The following SOHLH2 variants were observed in gnomAD, a reference collection of about 807,000 sequenced individuals.
SOHLH2 encodes spermatogenesis- and oogenesis-specific basic helix-loop-helix-containing protein 2.
A neutral mutation model predicts 50.4 loss-of-function variants in SOHLH2; 22 were observed. That is an observed-to-expected ratio of 0.44 (90% CI 0.31 to 0.62). The LOEUF is 0.62. SOHLH2 is among the 20% of genes least tolerant of loss of function. The pLI is 0.08. For missense variants in SOHLH2, 412 were observed against 504.4 expected (o/e 0.82, Z 1.76); for synonymous variants, 185 against 187.3 (o/e 0.99, Z 0.10).
Position 36,169,029 on chromosome 13 carries a change from T to C in SOHLH2, c.*5A>G. The C allele has an allele frequency of 6.2e-7, 1 of 1,606,712 alleles. No homozygotes were observed. Among genetic ancestry groups the C allele is most frequent in the Non-Finnish European group, 8.5e-7 (1 of 1,177,822 alleles). ...GTTGAGAGTGTGAATTTCAAACATG[T>C]GCTTTTAATACGCCCAAAACTGTTG... is the stretch of plus-strand genomic sequence containing the variant. On this transcript the variant is annotated 3_prime_UTR_variant, in exon 11 of 11. Transcript: ENST00000379881.
At chr13:36,194,338 G>T (rs899929049) in intron 2 of SOHLH2, among the ~76,000 whole-genome samples, 1 of 152,184 alleles carries the variant, frequency 6.6e-6, no homozygotes, top group Non-Finnish European at 1.5e-5. Context: ...ATGCTAATGG[G>T]ATATTTGACA....
At chr13:36,180,645 T>TG (rs894759544) in intron 6 of SOHLH2, among the ~76,000 whole-genome samples, 37 of 147,702 alleles carry the variant, frequency 2.5e-4, no homozygotes, top group African/African-American at 9.1e-4. Flanking sequence ...ACTTAGAAGT[T>TG]TTTTTTTTTT....
intron 6 of SOHLH2, chr13:36,181,922 T>A (rs2138280153): frequency 1.5e-6 from 1 of 656,828 alleles, no homozygotes; most frequent in South Asian, 6.8e-5. Context: ...TACATGAAGA[T>A]AAAGGGAAAT....
intron 1 of SOHLH2, among the ~76,000 whole-genome samples, chr13:36,212,250 G>A (rs939434552): frequency 9.2e-5 from 14 of 152,114 alleles, no homozygotes; most frequent in Admixed American, 6.5e-4. Flanking sequence ...GGCACAGAGC[G>A]GGTATGACAT....
intron 2 of SOHLH2, among the ~76,000 whole-genome samples, chr13:36,200,784 C>G (rs1004392082): frequency 6.6e-6 from 1 of 152,048 alleles, no homozygotes; most frequent in Non-Finnish European, 1.5e-5. Context: ...GGCATGGTGG[C>G]TCACCCCTGT....
intron 8 of SOHLH2, 68 bp downstream of exon 8, chr13:36,174,408 C>G: frequency 6.3e-7 from 1 of 1,592,674 alleles, no homozygotes; most frequent in Non-Finnish European, 8.6e-7. Flanking sequence ...TTTTTGTGTA[C>G]ATATTTAGCA....
intron 10 of SOHLH2, 35 bp downstream of exon 10, chr13:36,170,496 G>C: frequency 6.2e-7 from 1 of 1,602,824 alleles, no homozygotes. Flanking sequence ...GGAGTGAAAG[G>C]GTCCAATCTG....
rs1868447509 is a variant in SOHLH2 at position 36,201,997 on chromosome 13, T to C, written c.145A>G (p.Thr49Ala). ...LFANIAEVTI[T>A]ISDTKEAAAL... ...GCTGCCTCCTTCGTGTCACTGATGGTGATGGTGACTTCTGCTATGTTTGCA... is the reference window on the plus strand; with the variant it reads ...GCTGCCTCCTTCGTGTCACTGATGGCGATGGTGACTTCTGCTATGTTTGCA... Residue 49 changes from threonine (T) to alanine (A), a missense_variant, in exon 2 of 11, where the codon ACC becomes GCC. Thr to Ala is a moderately conservative substitution (Grantham distance 58). Coordinates refer to ENST00000379881, the MANE Select transcript of SOHLH2 (RefSeq NM_017826.3). 1.2e-6 allele frequency: 2 copies of C among 1,614,220 alleles called. No homozygotes were observed. The highest frequency in any genetic ancestry group is 2.7e-5 in the African/African-American group (2 of 75,058).
chr13:36,191,471 T>C (rs1361174981), intron 5 of SOHLH2, among the ~76,000 whole-genome samples: 1 of 152,152 alleles, frequency 6.6e-6, no homozygotes, highest in African/African-American at 2.4e-5. Flanking sequence ...AATTTTTGTT[T>C]GAGGAATTTC....
At chr13:36,189,604 T>C (rs1887518178) in intron 6 of SOHLH2, among the ~76,000 whole-genome samples, 1 of 152,240 alleles carries the variant, frequency 6.6e-6, no homozygotes, top group Non-Finnish European at 1.5e-5. Flanking sequence ...TAGAAAACTT[T>C]CCTAGTGTCC....
At chr13:36,194,954 T>C (rs1231161939) in intron 2 of SOHLH2, among the ~76,000 whole-genome samples, 1 of 152,058 alleles carries the variant, frequency 6.6e-6, no homozygotes, top group African/African-American at 2.4e-5. Context: ...TCAAATTACA[T>C]TATATATTAA....
chr13:36,196,363 C>T lies in SOHLH2; in HGVS notation c.264-2496G>A, dbSNP rs183597844. ...CTGGTCTCAAACTCCTGGCCTCAGG[C>T]AATCTTCCCGCTTCAACCTCCCAAA... is the stretch of plus-strand genomic sequence containing the variant. On this transcript the variant is annotated intron_variant, in intron 2 of 10. Transcript: ENST00000379881. Among the ~76,000 whole-genome samples the T allele has an allele frequency of 1.5e-4, 23 of 152,044 alleles. No individual in the cohort carries two copies. The East Asian group carries it at 3.5e-3, about 23-fold the overall frequency.
chr13:36,168,739 T>C lies in SOHLH2; in HGVS notation c.*295A>G. On this transcript the variant is annotated 3_prime_UTR_variant, in exon 11 of 11. Coordinates refer to ENST00000379881, the MANE Select transcript of SOHLH2 (RefSeq NM_017826.3). The stretch of plus-strand genomic sequence containing the variant: ...CATGCTTTTTTCATAAATTGTGGAA[T>C]ATTTTTTGAGAAAAGAGAGTGTAGG... The C allele has an allele frequency of 2.4e-6, 1 of 410,314 alleles. No individual in the cohort carries two copies. The highest frequency in any genetic ancestry group is 4.3e-6 in the Non-Finnish European group (1 of 232,364). The allele number at this position is 410,314 out of a possible 1,614,324, so 25.4% of individuals were successfully genotyped here.
chr13:36,190,814 G>A (rs1887551976), intron 5 of SOHLH2, among the ~76,000 whole-genome samples: 1 of 152,090 alleles, frequency 6.6e-6, no homozygotes, highest in Non-Finnish European at 1.5e-5. Context: ...CCTAGATAAG[G>A]GTTAATACGG....
Position 36,193,738 on chromosome 13 carries a change from A to G in SOHLH2, c.326-13T>C, listed in dbSNP as rs374903296. The G allele has an allele frequency of 6.2e-7, 1 of 1,607,336 alleles. No individual in the cohort carries two copies. The highest frequency in any genetic ancestry group is 8.5e-7 in the Non-Finnish European group (1 of 1,178,222). ...CCTGAAATACAACCTAAGAATCTTT[A>G]TATTAAATATTGACCTTATAGTTTC... On this transcript the variant is annotated splice_polypyrimidine_tract_variant and intron_variant, in intron 3 of 10. Transcript: ENST00000379881.
intron 6 of SOHLH2, chr13:36,183,077 T>TTC (rs1242214448): frequency 4.7e-5 from 12 of 253,644 alleles, no homozygotes; most frequent in South Asian, 1.3e-4. Context: ...GGCCTCTCCT[T>TTC]TCTCTCTCTC....
At chr13:36,174,934 A>G in intron 6 of SOHLH2, 65 bp from the exon 7 acceptor site, 1 of 1,515,522 alleles carries the variant, frequency 6.6e-7, no homozygotes, top group Admixed American at 2.4e-5. Context: ...ACCCAAAGAC[A>G]AACAACACTT....
In SOHLH2 at chr13:36,170,858, C is replaced by A. The variant is rs918291200; in HGVS notation, c.1001-71G>T. 1.9e-6 allele frequency: 3 copies of A among 1,553,776 alleles called. No individual in the cohort carries two copies. The African/African-American group carries it at 4.1e-5, about 21-fold the overall frequency. On this transcript the variant is annotated intron_variant, in intron 9 of 10. Coordinates refer to ENST00000379881, the MANE Select transcript of SOHLH2 (RefSeq NM_017826.3). Reference sequence around the variant, plus strand: ...GTAATTCAGAACGACTGTTATTCGACATAAACTGCCCGCTATTTCATTTCC... The same window carrying A: ...GTAATTCAGAACGACTGTTATTCGAAATAAACTGCCCGCTATTTCATTTCC...
chr13:36,191,060 T>G (rs2138297246), intron 5 of SOHLH2, among the ~76,000 whole-genome samples: 1 of 152,316 alleles, frequency 6.6e-6, no homozygotes, highest in South Asian at 2.1e-4. Context: ...TAGGCTCTAC[T>G]TAAAACCTCC....
Sources: gnomAD v4.1 joint callset for allele counts (sites outside exome capture counted in the v4.1 genomes callset) on GRCh38, gnomAD v4.1.1 for gene constraint, MANE v1.5 for transcripts, NCBI Gene and HGNC (gene_info 2026-07-23, HGNC 2026-07-21) for gene names.